ABTB3: variants seen among roughly 807,000 people sequenced by gnomAD.
ABTB3 encodes the protein ankyrin repeat- and BTB/POZ domain-containing protein 3.
At chr12:107,564,090 C>CTGTGTGTGTGTGTG in the ABTB3 span, among the ~76,000 whole-genome samples, 13 of 126,354 alleles carry the variant, frequency 1.0e-4, no homozygotes, top group Non-Finnish European at 1.6e-4. Context: ...ATCTATCTCT[C>CTGTGTGTGTGTGTG]TGTGTGTGTG....
the ABTB3 span, among the ~76,000 whole-genome samples, chr12:107,617,884 G>A: frequency 1.2e-4 from 19 of 152,096 alleles, no homozygotes; most frequent in South Asian, 1.5e-3. Context: ...GCAGGCTGAC[G>A]GTGACAAGTG....
the ABTB3 span, among the ~76,000 whole-genome samples, chr12:107,419,047 G>GA: frequency 1.3e-5 from 2 of 152,226 alleles, no homozygotes; most frequent in Non-Finnish European, 2.9e-5. Context: ...AACACTTTGA[G>GA]AATGCTTGCT....
At chr12:107,377,388 T>TGAGAGA in the ABTB3 span, among the ~76,000 whole-genome samples, 6 of 140,454 alleles carry the variant, frequency 4.3e-5, no homozygotes, top group African/African-American at 1.6e-4. Context: ...AACACTTCCT[T>TGAGAGA]GAGAGAGAGA....
At chr12:107,441,890 T>TGA in the ABTB3 span, among the ~76,000 whole-genome samples, 1 of 151,702 alleles carries the variant, frequency 6.6e-6, no homozygotes, top group Non-Finnish European at 1.5e-5. Flanking sequence ...CAGTGAGCCA[T>TGA]GATCACACCA....
chr12:107,590,128 G>A, the ABTB3 span, among the ~76,000 whole-genome samples: 1 of 152,104 alleles, frequency 6.6e-6, no homozygotes, highest in African/African-American at 2.4e-5. Flanking sequence ...TGGCCAGGCT[G>A]GTCTGGAACT....
the ABTB3 span, among the ~76,000 whole-genome samples, chr12:107,646,598 C>T: frequency 1.3e-5 from 2 of 152,084 alleles, no homozygotes; most frequent in African/African-American, 2.4e-5. Flanking sequence ...AATTCTCAGA[C>T]GCCACCACCA....
the ABTB3 span, among the ~76,000 whole-genome samples, chr12:107,638,681 A>G: frequency 2.0e-5 from 3 of 152,198 alleles, no homozygotes; most frequent in African/African-American, 7.2e-5. Context: ...GGTCAAGTTT[A>G]TTGAGGGATA....
At chr12:107,505,665 C>G in the ABTB3 span, among the ~76,000 whole-genome samples, 1 of 151,534 alleles carries the variant, frequency 6.6e-6, no homozygotes, top group African/African-American at 2.4e-5. Flanking sequence ...AGTTCTTTTT[C>G]CTGAGCCTCT....
At chr12:107,549,315 A>C in the ABTB3 span, among the ~76,000 whole-genome samples, 1 of 152,232 alleles carries the variant, frequency 6.6e-6, no homozygotes, top group Non-Finnish European at 1.5e-5. Flanking sequence ...ACTCTACCAA[A>C]AGCTCACCCC....
At chr12:107,574,510 G>T in the ABTB3 span, among the ~76,000 whole-genome samples, 1 of 152,172 alleles carries the variant, frequency 6.6e-6, no homozygotes, top group Non-Finnish European at 1.5e-5. Context: ...ATGACCTGAG[G>T]TCAGGAGTTC....
At chr12:107,541,255 G>A in the ABTB3 span, among the ~76,000 whole-genome samples, 4 of 152,200 alleles carry the variant, frequency 2.6e-5, no homozygotes, top group Non-Finnish European at 5.9e-5. Context: ...GAATTTGGAT[G>A]TTAGGTAAAT....
chr12:107,458,562 C>T, the ABTB3 span, among the ~76,000 whole-genome samples: 1 of 152,134 alleles, frequency 6.6e-6, no homozygotes, highest in Non-Finnish European at 1.5e-5. Flanking sequence ...GAGTATTACA[C>T]CTGGAAGGCA....
the ABTB3 span, among the ~76,000 whole-genome samples, chr12:107,608,531 T>C: frequency 0.017 from 2,555 of 152,278 alleles, 75 homozygotes; most frequent in African/African-American, 0.058. Context: ...TTGCTCATAC[T>C]GGCCCTGCTC....
the ABTB3 span, among the ~76,000 whole-genome samples, chr12:107,576,463 C>CA: frequency 6.6e-6 from 1 of 152,226 alleles, no homozygotes; most frequent in African/African-American, 2.4e-5. Context: ...ACTGTGCACA[C>CA]ACAACCCTGG....
chr12:107,611,656 T>A, the ABTB3 span, among the ~76,000 whole-genome samples: 1 of 152,250 alleles, frequency 6.6e-6, no homozygotes, highest in Non-Finnish European at 1.5e-5. Context: ...ATTAGGGAAA[T>A]TTTTAAAATG....
the ABTB3 span, among the ~76,000 whole-genome samples, chr12:107,619,332 A>G: frequency 0.32 from 48,948 of 152,106 alleles, 9,132 homozygotes; most frequent in African/African-American, 0.52. Flanking sequence ...TCAGCTGCTG[A>G]AGAGGTCCCT....
the ABTB3 span, among the ~76,000 whole-genome samples, chr12:107,388,356 T>A: frequency 6.6e-6 from 1 of 151,494 alleles, no homozygotes; most frequent in Non-Finnish European, 1.5e-5. Context: ...TTCCTCCTCC[T>A]CTTCCTAATT....
the ABTB3 span, among the ~76,000 whole-genome samples, chr12:107,564,090 CTGTGTGTGTG>C: frequency 1.3e-3 from 160 of 126,440 alleles, 1 homozygote; most frequent in African/African-American, 3.2e-3. Context: ...ATCTATCTCT[CTGTGTGTGTG>C]TGTGTGTGTG....
At chr12:107,396,287 C>G in the ABTB3 span, among the ~76,000 whole-genome samples, 3 of 152,204 alleles carry the variant, frequency 2.0e-5, no homozygotes, top group African/African-American at 7.2e-5. Context: ...AGCTTCTGCC[C>G]CCACCTTCTT....
Sources: gnomAD v4.1 joint callset for allele counts (sites outside exome capture counted in the v4.1 genomes callset) on GRCh38, gnomAD v4.1.1 for gene constraint, MANE v1.5 for transcripts, NCBI Gene and HGNC (gene_info 2026-07-23, HGNC 2026-07-21) for gene names.